CRACD: variants seen among roughly 807,000 people sequenced by gnomAD.
CRACD encodes capping protein inhibiting regulator of actin dynamics, also known as capping protein-inhibiting regulator of actin dynamics.
A neutral mutation model predicts 106.8 loss-of-function variants in CRACD; 56 were observed. The observed-to-expected ratio is 0.52, with a 90% CI of 0.42 to 0.66. CRACD has a LOEUF of 0.66. Among genes scored for constraint, CRACD ranks in the 30% least tolerant of loss-of-function variants. CRACD has a pLI of 0.00. For synonymous variants in CRACD, 754 were observed against 670.8 expected (o/e 1.12, Z -1.92); for missense variants, 1,730 against 1,623.2 (o/e 1.07, Z -1.13).
At chr4:56,106,037 C>T (rs1029469852) in intron 1 of CRACD, among the ~76,000 whole-genome samples, 2 of 151,756 alleles carry the variant, frequency 1.3e-5, no homozygotes, top group African/African-American at 2.4e-5. Flanking sequence ...GGGTGTGTAT[C>T]GAAGTTAACT....
intron 1 of CRACD, among the ~76,000 whole-genome samples, chr4:56,104,879 A>G (rs1241808260): frequency 6.6e-6 from 1 of 150,804 alleles, no homozygotes; most frequent in Non-Finnish European, 1.5e-5. Context: ...AGGCAGGAGA[A>G]TGGCGTGAAC....
chr4:56,226,673 G>T (rs1379991471), intron 2 of CRACD, among the ~76,000 whole-genome samples: 1 of 152,116 alleles, frequency 6.6e-6, no homozygotes, highest in African/African-American at 2.4e-5. Context: ...AATGTGAGGT[G>T]TTTGGGTCAT....
rs540679230 is a variant in CRACD, at chr4:56,252,635, G to A, written c.-188-19686G>A. On this transcript the variant is annotated intron_variant, in intron 2 of 10. Coordinates refer to ENST00000682029, the MANE Select transcript of CRACD (RefSeq NM_001393381.1). ...CATTGAATAGCACTGGTGATCCATA[G>A]ATAGGCTGAGTTTAGCATGCAGGAT... Among the ~76,000 whole-genome samples the A allele has an allele frequency of 1.4e-4, 21 of 152,322 alleles. No individual in the cohort carries two copies. In the South Asian group the frequency reaches 3.9e-3, roughly 29 times the overall value.
chr4:56,286,794 G>A lies in CRACD; in HGVS notation c.-16-11420G>A, dbSNP rs1035581329. On this transcript the variant is annotated intron_variant, in intron 3 of 10. Coordinates refer to ENST00000682029, the MANE Select transcript of CRACD (RefSeq NM_001393381.1). ...ACTGCTGCCGTGGTCAGGGTGATGA[G>A]CATCATGCCAGTGACTTCCTCTCAA... 3.0e-4 allele frequency among the ~76,000 whole-genome samples: 45 copies of A among 152,222 alleles called. No individual in the cohort carries two copies. In the East Asian group the frequency reaches 5.0e-3, roughly 17 times the overall value.
chr4:56,282,309 AG>A (rs1348187236), intron 3 of CRACD, among the ~76,000 whole-genome samples: 1 of 152,210 alleles, frequency 6.6e-6, no homozygotes, highest in East Asian at 1.9e-4. Context: ...ACAAAGGATA[AG>A]GAATAGGAGG....
intron 1 of CRACD, among the ~76,000 whole-genome samples, chr4:56,084,853 T>C (rs1293509958): frequency 2.0e-5 from 3 of 152,228 alleles, no homozygotes; most frequent in Non-Finnish European, 4.4e-5. Context: ...TGGAAGTTTC[T>C]AGGTGAGTTT....
chr4:56,283,215 A>C (rs776539545), intron 3 of CRACD, among the ~76,000 whole-genome samples: 1 of 152,126 alleles, frequency 6.6e-6, no homozygotes, highest in Non-Finnish European at 1.5e-5. Flanking sequence ...GCCACCAAGA[A>C]AGAAGGGCAG....
chr4:56,149,872 T>C (rs764250047), intron 1 of CRACD, among the ~76,000 whole-genome samples: 8 of 152,228 alleles, frequency 5.3e-5, no homozygotes, highest in Non-Finnish European at 1.0e-4. Flanking sequence ...GCATGAGTGT[T>C]TTCCTAGTTC....
intron 4 of CRACD, among the ~76,000 whole-genome samples, chr4:56,304,602 A>G (rs1184793188): frequency 6.6e-6 from 1 of 151,452 alleles, no homozygotes; most frequent in East Asian, 1.9e-4. Flanking sequence ...ACATAGCAAG[A>G]CCCCACCCAC....
intron 1 of CRACD, among the ~76,000 whole-genome samples, chr4:56,168,346 A>G (rs1472663957): frequency 6.6e-6 from 1 of 152,110 alleles, no homozygotes; most frequent in Admixed American, 6.5e-5. Flanking sequence ...TTAATATTGT[A>G]AATTACACTG....
intron 1 of CRACD, among the ~76,000 whole-genome samples, chr4:56,116,949 C>G (rs1447048920): frequency 2.7e-5 from 4 of 150,794 alleles, no homozygotes; most frequent in African/African-American, 9.7e-5. Flanking sequence ...CTCAGGTGAT[C>G]CGCCCACCTC....
rs78764193 is a variant in CRACD at position 56,148,259 on chromosome 4, T to C, written c.-335-31025T>C. Among the ~76,000 whole-genome samples the C allele has an allele frequency of 1.0e-4, 15 of 145,278 alleles. No individual in the cohort carries two copies. In the East Asian group the frequency reaches 2.6e-3, roughly 25 times the overall value. On this transcript the variant is annotated intron_variant, in intron 1 of 10. Coordinates refer to ENST00000682029, the MANE Select transcript of CRACD (RefSeq NM_001393381.1). Reference sequence around the variant, plus strand: ...CTAGTGGATATGAAGTGGTACCTCATTGTGCTTTTGTTGTTTTTTTTTTAA... The same window carrying C: ...CTAGTGGATATGAAGTGGTACCTCACTGTGCTTTTGTTGTTTTTTTTTTAA...
chr4:56,291,513 G>A (rs529278872), intron 3 of CRACD, among the ~76,000 whole-genome samples: 2 of 152,214 alleles, frequency 1.3e-5, no homozygotes, highest in East Asian at 3.9e-4. Flanking sequence ...TGGAACTTTG[G>A]GCAATATTTT....
chr4:56,189,285 C>T (rs560263546), intron 2 of CRACD, among the ~76,000 whole-genome samples: 1 of 152,204 alleles, frequency 6.6e-6, no homozygotes, highest in East Asian at 1.9e-4. Flanking sequence ...GAATGTCTGC[C>T]TCTCTTCCCA....
rs376036075 is a variant in CRACD, at chr4:56,313,149, G to A, written c.355-48G>A. ...TGCCACCGTTCTGCGATTCCCTGCA[G>A]GTTGTCTTCTGATCCCAACTGACTT... On this transcript the variant is annotated intron_variant, in intron 6 of 10. Coordinates refer to ENST00000682029, the MANE Select transcript of CRACD (RefSeq NM_001393381.1). 1.9e-5 allele frequency: 29 copies of A among 1,544,186 alleles called. No individual in the cohort carries two copies. The African/African-American group carries it at 2.6e-4, about 14-fold the overall frequency.
chr4:56,328,317 T>C lies in CRACD; in HGVS notation c.*513T>C, dbSNP rs371043757. 2.4e-4 allele frequency: 125 copies of C among 518,776 alleles called. No homozygotes were observed. The highest frequency in any genetic ancestry group is 2.1e-3 in the African/African-American group (108 of 52,046). 32.1% of individuals were successfully genotyped at this position (518,776 alleles called of 1,614,324 possible). A position where few individuals can be genotyped will look rare whatever the true frequency, so the allele number is the denominator to read the frequency against. ...CCATTCTCCTGAATGCAGTGAGTAA[T>C]TGGGAATCACAAGGAACATTCTGGC... On this transcript the variant is annotated 3_prime_UTR_variant, in exon 11 of 11. Coordinates refer to ENST00000682029, the MANE Select transcript of CRACD (RefSeq NM_001393381.1).
chr4:56,173,766 A>G (rs1736473277), intron 1 of CRACD, among the ~76,000 whole-genome samples: 1 of 152,160 alleles, frequency 6.6e-6, no homozygotes, highest in Non-Finnish European at 1.5e-5. Flanking sequence ...TAATGTGGTC[A>G]TTTTATTTTA....
chr4:56,060,753 GATT>G (rs1732243252), intron 1 of CRACD, among the ~76,000 whole-genome samples: 1 of 152,132 alleles, frequency 6.6e-6, no homozygotes, highest in Non-Finnish European at 1.5e-5. Context: ...TTTGGGAGGT[GATT>G]ATAATGGTCG....
intron 3 of CRACD, among the ~76,000 whole-genome samples, chr4:56,293,779 G>A (rs1743830759): frequency 6.6e-6 from 1 of 152,206 alleles, no homozygotes; most frequent in South Asian, 2.1e-4. Flanking sequence ...CCGTTCATGA[G>A]AAATCCATCC....
Sources: gnomAD v4.1 joint callset for allele counts (sites outside exome capture counted in the v4.1 genomes callset) on GRCh38, gnomAD v4.1.1 for gene constraint, MANE v1.5 for transcripts, NCBI Gene and HGNC (gene_info 2026-07-23, HGNC 2026-07-21) for gene names.